GRIN2A: variants seen among roughly 807,000 people sequenced by gnomAD.
GRIN2A encodes glutamate receptor ionotropic, NMDA 2A.
GRIN2A carries 22 observed loss-of-function variants against 113.4 expected under a neutral mutation model. The ratio of observed to expected loss-of-function variants is 0.19; its 90% CI spans 0.14 to 0.28. The LOEUF is 0.28. Ranked by LOEUF, GRIN2A falls within the 10% of genes least tolerant of loss-of-function variation. The probability of loss-of-function intolerance (pLI) is 1.00; values close to 1 mark genes in which losing one functional copy is unlikely to be tolerated. For synonymous variants in GRIN2A, 827 were observed against 738.4 expected (o/e 1.12, Z -1.94); for missense variants, 1,502 against 1,887.0 (o/e 0.80, Z 3.78).
chr16:10,009,652 T>C lies in GRIN2A; in HGVS notation c.415-71101A>G, dbSNP rs546732745. Among the ~76,000 whole-genome samples the C allele has an allele frequency of 2.0e-5, 3 of 152,236 alleles. No homozygotes were observed. In the East Asian group the frequency reaches 5.8e-4, roughly 29 times the overall value. On this transcript the variant is annotated intron_variant, in intron 2 of 12. Coordinates refer to ENST00000330684, the MANE Select transcript of GRIN2A (RefSeq NM_001134407.3). ...CACCCCACATGTTCCTCAAGGGTCT[T>C]GCTTGCAGGGAGCTCAGTGATATAA...
intron 3 of GRIN2A, among the ~76,000 whole-genome samples, chr16:9,900,608 G>T (rs2043903137): frequency 1.3e-5 from 2 of 152,172 alleles, no homozygotes; most frequent in African/African-American, 4.8e-5. Context: ...ATAGAGTAGG[G>T]TCTAAGATGC....
At chr16:9,906,613 G>C (rs1048905128) in intron 3 of GRIN2A, among the ~76,000 whole-genome samples, 1 of 152,154 alleles carries the variant, frequency 6.6e-6, no homozygotes, top group South Asian at 2.1e-4. Flanking sequence ...TCAATACTTA[G>C]TTTAGATGAG....
chr16:9,800,489 C>G (rs1903292522), intron 10 of GRIN2A, among the ~76,000 whole-genome samples: 1 of 151,952 alleles, frequency 6.6e-6, no homozygotes, highest in South Asian at 2.1e-4. Flanking sequence ...ATAAAAATGG[C>G]AAAGAGAGGA....
chr16:10,059,928 G>C (rs997281664), intron 2 of GRIN2A, among the ~76,000 whole-genome samples: 1 of 152,048 alleles, frequency 6.6e-6, no homozygotes, highest in Non-Finnish European at 1.5e-5. Context: ...GACACAGAGA[G>C]AAAAGGAAAA....
intron 2 of GRIN2A, among the ~76,000 whole-genome samples, chr16:10,062,158 A>C (rs181397761): frequency 6.6e-6 from 1 of 152,272 alleles, no homozygotes; most frequent in Admixed American, 6.5e-5. Context: ...TACCTTCTTT[A>C]TGGATTGCGA....
chr16:10,027,330 T>C (rs1184656599), intron 2 of GRIN2A, among the ~76,000 whole-genome samples: 1 of 152,178 alleles, frequency 6.6e-6, no homozygotes, highest in Admixed American at 6.5e-5. Flanking sequence ...ATCTCAGCTA[T>C]CAAGACAACC....
At chr16:10,058,361 C>T (rs2047492075) in intron 2 of GRIN2A, among the ~76,000 whole-genome samples, 1 of 151,960 alleles carries the variant, frequency 6.6e-6, no homozygotes, top group South Asian at 2.1e-4. Context: ...TATCAAAATA[C>T]AGTCATAATG....
At chr16:10,106,830 G>T (rs2048509706) in intron 2 of GRIN2A, among the ~76,000 whole-genome samples, 1 of 152,150 alleles carries the variant, frequency 6.6e-6, no homozygotes, top group Non-Finnish European at 1.5e-5. Context: ...ATTCATGAAG[G>T]GAGAGAAGGA....
At chr16:9,944,678 G>T (rs556208195) in intron 2 of GRIN2A, among the ~76,000 whole-genome samples, 16 of 152,116 alleles carry the variant, frequency 1.1e-4, no homozygotes, top group African/African-American at 3.9e-4. Context: ...TTGAGGGTAG[G>T]GCACCGTGCC....
intron 11 of GRIN2A, chr16:9,794,637 C>G (rs1322506311): frequency 6.6e-6 from 1 of 152,186 alleles, no homozygotes; most frequent in Non-Finnish European, 1.5e-5. Flanking sequence ...AGAGATGAAG[C>G]TGAATAGAGA....
chr16:10,070,908 T>C (rs931219392), intron 2 of GRIN2A, among the ~76,000 whole-genome samples: 2 of 152,156 alleles, frequency 1.3e-5, no homozygotes, highest in African/African-American at 2.4e-5. Flanking sequence ...TTTCCTCTTT[T>C]CCTCTCCTCC....
chr16:10,058,511 T>C (rs571456722), intron 2 of GRIN2A, among the ~76,000 whole-genome samples: 3 of 152,188 alleles, frequency 2.0e-5, no homozygotes, highest in South Asian at 4.1e-4. Context: ...ACAACAATGA[T>C]AATGTGATAA....
At chr16:9,768,799 G>A (rs1169352402) in intron 12 of GRIN2A, 52 bp downstream of exon 12, 12 of 1,207,488 alleles carry the variant, frequency 9.9e-6, no homozygotes, top group African/African-American at 3.0e-5. Flanking sequence ...GAACCCAAGC[G>A]CTTTTCTAAA....
At chr16:9,858,076 T>C (rs144697212) in intron 4 of GRIN2A, among the ~76,000 whole-genome samples, 16 of 152,336 alleles carry the variant, frequency 1.1e-4, no homozygotes, top group African/African-American at 3.4e-4. Context: ...GGCAAATCAG[T>C]ACACTGACTG....
At chr16:9,854,553 A>T (rs2042936785) in intron 4 of GRIN2A, among the ~76,000 whole-genome samples, 1 of 152,116 alleles carries the variant, frequency 6.6e-6, no homozygotes, top group African/African-American at 2.4e-5. Context: ...TATATCCAAA[A>T]TGGAAGGACC....
chr16:10,085,032 G>A (rs1036094470), intron 2 of GRIN2A, among the ~76,000 whole-genome samples: 1 of 152,172 alleles, frequency 6.6e-6, no homozygotes, highest in African/African-American at 2.4e-5. Flanking sequence ...ACAACTCCCT[G>A]AGCTAGGTAC....
intron 2 of GRIN2A, among the ~76,000 whole-genome samples, chr16:9,976,814 A>C (rs1324837238): frequency 2.0e-5 from 3 of 152,222 alleles, no homozygotes; most frequent in African/African-American, 7.2e-5. Flanking sequence ...CTCCGAGGGA[A>C]GCCACTATCC....
At chr16:10,060,899 A>G (rs1019436451) in intron 2 of GRIN2A, among the ~76,000 whole-genome samples, 2 of 152,222 alleles carry the variant, frequency 1.3e-5, no homozygotes, top group African/African-American at 2.4e-5. Context: ...CATATTGATC[A>G]AAGTATTCAT....
chr16:10,175,890 C>T (rs1464778016), intron 2 of GRIN2A, among the ~76,000 whole-genome samples: 1 of 152,076 alleles, frequency 6.6e-6, no homozygotes. Flanking sequence ...ATTACTGCAG[C>T]TGGAGTGTAT....
Sources: gnomAD v4.1 joint callset for allele counts (sites outside exome capture counted in the v4.1 genomes callset) on GRCh38, gnomAD v4.1.1 for gene constraint, MANE v1.5 for transcripts, NCBI Gene and HGNC (gene_info 2026-07-23, HGNC 2026-07-21) for gene names.